The following CNTNAP2 variants were observed in gnomAD, a reference collection of about 807,000 sequenced individuals.
CNTNAP2 encodes contactin-associated protein-like 2.
In CNTNAP2, 98 loss-of-function variants were observed where a neutral mutation model predicts 155.2. That is an observed-to-expected ratio of 0.63 (90% CI 0.54 to 0.75). The LOEUF (loss-of-function observed/expected upper bound fraction) is 0.75. Among genes scored for constraint, CNTNAP2 ranks in the 30% least tolerant of loss-of-function variants. The probability of loss-of-function intolerance (pLI) is 0.00; values close to 1 mark genes in which losing one functional copy is unlikely to be tolerated. For missense variants in CNTNAP2, 1,727 were observed against 1,688.1 expected (o/e 1.02, Z -0.40); for synonymous variants, 651 against 631.2 (o/e 1.03, Z -0.47).
At chr7:146,591,414 T>TGCAGTGGG (rs3077298) in intron 1 of CNTNAP2, among the ~76,000 whole-genome samples, 125,846 of 151,790 alleles carry the variant, frequency 0.83, 52,795 homozygotes, top group African/African-American at 0.9. Context: ...TGTGGAATAA[T>TGCAGTGGG]AATTGAGAAA....
At chr7:147,128,041 G>A (rs1165835314) in intron 6 of CNTNAP2, among the ~76,000 whole-genome samples, 1 of 152,048 alleles carries the variant, frequency 6.6e-6, no homozygotes, top group Non-Finnish European at 1.5e-5. Flanking sequence ...AACACAGTAA[G>A]TAGCATTGTC....
intron 17 of CNTNAP2, among the ~76,000 whole-genome samples, chr7:148,160,011 G>A (rs1484263764): frequency 2.0e-5 from 3 of 152,132 alleles, no homozygotes; most frequent in Non-Finnish European, 4.4e-5. Flanking sequence ...GGCTGAGGTA[G>A]GCAAATCTCT....
intron 8 of CNTNAP2, among the ~76,000 whole-genome samples, chr7:147,273,649 T>C (rs1222592702): frequency 6.6e-6 from 1 of 151,524 alleles, no homozygotes; most frequent in Admixed American, 6.6e-5. Context: ...CTTAGGATAA[T>C]GGCCTCCAGC....
At chr7:146,450,986 G>C (rs1242817139) in intron 1 of CNTNAP2, among the ~76,000 whole-genome samples, 2 of 149,080 alleles carry the variant, frequency 1.3e-5, no homozygotes, top group East Asian at 4.0e-4. Context: ...TTGCCCTGTC[G>C]TCCAGGCTGG....
At chr7:146,287,679 G>A (rs1800358684) in intron 1 of CNTNAP2, among the ~76,000 whole-genome samples, 2 of 152,126 alleles carry the variant, frequency 1.3e-5, no homozygotes, top group South Asian at 4.2e-4. Context: ...TGCCTAAATG[G>A]GGAGATTATA....
chr7:148,265,932 C>T (rs774932951), intron 20 of CNTNAP2, among the ~76,000 whole-genome samples: 1 of 152,182 alleles, frequency 6.6e-6, no homozygotes, highest in Non-Finnish European at 1.5e-5. Flanking sequence ...CCACTCTCTC[C>T]TTCCTCCCAA....
chr7:147,421,067 C>A (rs1438297186), intron 10 of CNTNAP2, among the ~76,000 whole-genome samples: 1 of 152,182 alleles, frequency 6.6e-6, no homozygotes, highest in Non-Finnish European at 1.5e-5. Flanking sequence ...TAGATGAAAT[C>A]TCTATTCAAA....
intron 4 of CNTNAP2, among the ~76,000 whole-genome samples, chr7:147,071,200 A>C (rs966783129): frequency 1.3e-5 from 2 of 152,110 alleles, no homozygotes; most frequent in Non-Finnish European, 2.9e-5. Context: ...TGTTTAGTTA[A>C]ATTTTCTCCA....
intron 1 of CNTNAP2, among the ~76,000 whole-genome samples, chr7:146,450,384 G>C (rs925069308): frequency 4.6e-5 from 7 of 152,122 alleles, no homozygotes; most frequent in Non-Finnish European, 8.8e-5. Context: ...GGGCCAAGCT[G>C]GTTAGTTCTA....
chr7:148,360,464 A>T (rs893170531), intron 21 of CNTNAP2, among the ~76,000 whole-genome samples: 2 of 152,192 alleles, frequency 1.3e-5, no homozygotes, highest in Non-Finnish European at 2.9e-5. Context: ...GGAAATGGAG[A>T]CGGAATTGGA....
intron 11 of CNTNAP2, among the ~76,000 whole-genome samples, chr7:147,524,996 A>G (rs2116713581): frequency 6.6e-6 from 1 of 152,342 alleles, no homozygotes; most frequent in Non-Finnish European, 1.5e-5. Flanking sequence ...TCTTGTTAGC[A>G]GGCAAAGAAA....
At chr7:148,052,363 GA>G (rs11377797) in intron 15 of CNTNAP2, among the ~76,000 whole-genome samples, 2,601 of 139,370 alleles carry the variant, frequency 0.019, 40 homozygotes, top group African/African-American at 0.039. Flanking sequence ...CCAGGTGATG[GA>G]AAAAAAAAAA....
intron 8 of CNTNAP2, among the ~76,000 whole-genome samples, chr7:147,260,763 A>C (rs1436348493): frequency 6.6e-6 from 1 of 152,202 alleles, no homozygotes. Context: ...GGTGTAACCA[A>C]TGGACTCACC....
At chr7:146,822,534 T>G (rs1803307940) in intron 2 of CNTNAP2, among the ~76,000 whole-genome samples, 4 of 151,180 alleles carry the variant, frequency 2.6e-5, no homozygotes, top group Admixed American at 1.3e-4. Context: ...CTGTTTTTAA[T>G]AATGCTCGTT....
At chr7:147,943,764 C>A in intron 14 of CNTNAP2, among the ~76,000 whole-genome samples, 1 of 57,634 alleles carries the variant, frequency 1.7e-5, no homozygotes, top group Non-Finnish European at 3.3e-5. Flanking sequence ...GAGACCCCGT[C>A]TCAAAAAAAA....
rs954608303 is a variant in CNTNAP2, at chr7:146,625,777, C to G, written c.98-148494C>G. Among the ~76,000 whole-genome samples the G allele has an allele frequency of 3.9e-5, 6 of 152,064 alleles. No individual in the cohort carries two copies. In the East Asian group the frequency reaches 9.7e-4, roughly 24 times the overall value. On this transcript the variant is annotated intron_variant, in intron 1 of 23. Transcript: ENST00000361727. ...AGAAAAATACGGTTTCAGTAATTCTCATAAGTAATTCAGCGATGAGCTATC... is the reference window on the plus strand; with the variant it reads ...AGAAAAATACGGTTTCAGTAATTCTGATAAGTAATTCAGCGATGAGCTATC...
intron 22 of CNTNAP2, among the ~76,000 whole-genome samples, chr7:148,398,192 T>C (rs1368023146): frequency 1.3e-5 from 2 of 152,192 alleles, no homozygotes; most frequent in African/African-American, 2.4e-5. Flanking sequence ...GTCAGCTGTC[T>C]GTGGTCTGGG....
At chr7:148,252,489 T>C (rs555208259) in intron 20 of CNTNAP2, among the ~76,000 whole-genome samples, 1 of 152,280 alleles carries the variant, frequency 6.6e-6, no homozygotes, top group South Asian at 2.1e-4. Flanking sequence ...ATCCAGAGAA[T>C]ATCCACCCAG....
At chr7:146,347,032 G>A (rs1047969577) in intron 1 of CNTNAP2, among the ~76,000 whole-genome samples, 16 of 150,958 alleles carry the variant, frequency 1.1e-4, no homozygotes, top group African/African-American at 2.9e-4. Context: ...TAAAAGGGTC[G>A]AGGTGGAATA....
Sources: allele counts gnomAD v4.1 joint callset (sites outside exome capture counted in the v4.1 genomes callset), GRCh38; gene constraint gnomAD v4.1.1; transcripts MANE v1.5; gene names NCBI Gene and HGNC (gene_info 2026-07-23, HGNC 2026-07-21).